ALK: variants seen among roughly 807,000 people sequenced by gnomAD.
ALK encodes the protein ALK receptor tyrosine kinase.
A neutral mutation model predicts 163.1 loss-of-function variants in ALK; 74 were observed. That is an observed-to-expected ratio of 0.45 (90% confidence interval 0.38 to 0.55). The LOEUF (loss-of-function observed/expected upper bound fraction) is 0.55, where lower values mean the gene tolerates loss of function less well. ALK is among the 20% of genes least tolerant of loss of function. The pLI is 0.00. For missense variants in ALK, 2,063 were observed against 2,105.3 expected (o/e 0.98, Z 0.39); for synonymous variants, 960 against 843.2 (o/e 1.14, Z -2.40).
chr2:29,867,716 C>G (rs1398829878), intron 1 of ALK, among the ~76,000 whole-genome samples: 2 of 152,202 alleles, frequency 1.3e-5, no homozygotes, highest in African/African-American at 4.8e-5. Flanking sequence ...AGCTTGAGCA[C>G]CCTTGTTCCA....
chr2:29,752,510 C>T (rs1196580345), intron 1 of ALK, among the ~76,000 whole-genome samples: 4 of 151,316 alleles, frequency 2.6e-5, no homozygotes, highest in Admixed American at 6.6e-5. Context: ...CCACCATGCC[C>T]GGCTAATTTT....
At chr2:29,381,411 G>C (rs1374621607) in intron 5 of ALK, among the ~76,000 whole-genome samples, 1 of 152,252 alleles carries the variant, frequency 6.6e-6, no homozygotes, top group Non-Finnish European at 1.5e-5. Context: ...ATACAGGCAT[G>C]GCCTCTGTCT....
At position 29,193,482 on chromosome 2, in the gene ALK, C is replaced by T. The variant is rs1459765837; in HGVS notation, c.4605G>A (p.Leu1535=). ...TAGGTGGGACAGTACAGCTTCCCTC[C>T]AGCCCCAGGTTACCCCTGTCGTGTG... ...KEPHDRGNLG[L]EGSCTVPPNV... The change falls in exon 29 of 29, where the codon CTG becomes CTA. Residue 1535 remains leucine (L), a synonymous_variant. Transcript: ENST00000389048. The T allele has an allele frequency of 2.5e-6, 4 of 1,614,084 alleles. No individual in the cohort carries two copies. The highest frequency in any genetic ancestry group is 1.3e-5 in the African/African-American group (1 of 74,922).
intron 3 of ALK, among the ~76,000 whole-genome samples, chr2:29,652,280 C>A (rs186154068): frequency 6.6e-6 from 1 of 152,044 alleles, no homozygotes; most frequent in Non-Finnish European, 1.5e-5. Flanking sequence ...GAACCCCTGG[C>A]TTAGGGTCTG....
At chr2:29,627,822 A>T (rs189027360) in intron 3 of ALK, among the ~76,000 whole-genome samples, 11 of 152,360 alleles carry the variant, frequency 7.2e-5, no homozygotes, top group African/African-American at 2.6e-4. Context: ...TTACCATTTA[A>T]GCAAGAAGAG....
At chr2:29,557,444 C>A (rs943484373) in intron 3 of ALK, among the ~76,000 whole-genome samples, 3 of 152,214 alleles carry the variant, frequency 2.0e-5, no homozygotes, top group African/African-American at 7.2e-5. Flanking sequence ...GCTCACTGAT[C>A]TCAGATCCTG....
chr2:29,646,159 C>A (rs972364479), intron 3 of ALK, among the ~76,000 whole-genome samples: 3 of 152,116 alleles, frequency 2.0e-5, no homozygotes, highest in Admixed American at 6.6e-5. Context: ...GTCACTGACA[C>A]AAACTTGATC....
intron 3 of ALK, among the ~76,000 whole-genome samples, chr2:29,590,797 C>A (rs996561383): frequency 1.2e-4 from 18 of 152,120 alleles, no homozygotes; most frequent in Admixed American, 1.0e-3. Context: ...GCAGGCCGGG[C>A]GCGGTGGCTC....
chr2:29,530,535 T>C (rs942268522), intron 4 of ALK, among the ~76,000 whole-genome samples: 1 of 152,146 alleles, frequency 6.6e-6, no homozygotes, highest in African/African-American at 2.4e-5. Flanking sequence ...CCAGTCCTGG[T>C]AGGGAAGGAA....
At chr2:29,226,509 G>A (rs1185640870) in intron 18 of ALK, among the ~76,000 whole-genome samples, 2 of 147,120 alleles carry the variant, frequency 1.4e-5, no homozygotes, top group Non-Finnish European at 3.0e-5. Context: ...AAAAGAGGAG[G>A]AGAATGGGAG....
chr2:29,724,606 G>C (rs1679516793), intron 1 of ALK, among the ~76,000 whole-genome samples: 4 of 152,206 alleles, frequency 2.6e-5, no homozygotes, highest in Admixed American at 2.6e-4. Flanking sequence ...TCAGAGAAAG[G>C]AGAGAGTTTG....
At chr2:29,848,535 G>C (rs1256603606) in intron 1 of ALK, among the ~76,000 whole-genome samples, 2 of 152,162 alleles carry the variant, frequency 1.3e-5, no homozygotes, top group African/African-American at 4.8e-5. Flanking sequence ...TTCGCATAGT[G>C]TTTTAATACC....
chr2:29,533,714 G>T (rs542948701), intron 3 of ALK, among the ~76,000 whole-genome samples: 2 of 152,172 alleles, frequency 1.3e-5, no homozygotes, highest in African/African-American at 4.8e-5. Flanking sequence ...TCCAAGCACT[G>T]GCTCTGCCCT....
intron 1 of ALK, among the ~76,000 whole-genome samples, chr2:29,919,557 T>C (rs1667929362): frequency 6.6e-6 from 1 of 152,182 alleles, no homozygotes. Context: ...CTATATTCCC[T>C]GAGAAGGTAC....
chr2:29,797,818 T>G (rs1664359854), intron 1 of ALK, among the ~76,000 whole-genome samples: 1 of 152,208 alleles, frequency 6.6e-6, no homozygotes, highest in Non-Finnish European at 1.5e-5. Flanking sequence ...TAGGATTTTT[T>G]TTTTTACTTT....
intron 15 of ALK, 131 bp downstream of exon 15, chr2:29,232,173 G>T: frequency 7.7e-7 from 1 of 1,300,718 alleles, no homozygotes. Flanking sequence ...CCTGGATATC[G>T]GTACCAATAT....
intron 5 of ALK, among the ~76,000 whole-genome samples, 170 bp from the exon 6 acceptor site, chr2:29,328,651 G>A (rs1274314580): frequency 6.6e-6 from 1 of 152,208 alleles, no homozygotes; most frequent in Non-Finnish European, 1.5e-5. Context: ...CCAACCCAGG[G>A]CCAACATCAG....
intron 4 of ALK, among the ~76,000 whole-genome samples, chr2:29,445,626 G>A (rs901807213): frequency 1.3e-4 from 20 of 152,098 alleles, no homozygotes; most frequent in African/African-American, 3.9e-4. Flanking sequence ...TTTGAGACCA[G>A]CCTGAACAAC....
chr2:29,674,462 T>C (rs1677810545), intron 3 of ALK, among the ~76,000 whole-genome samples: 1 of 149,648 alleles, frequency 6.7e-6, no homozygotes, highest in Admixed American at 6.6e-5. Flanking sequence ...GCTCTGTTTA[T>C]ATGCTGGATT....
Sources: gnomAD v4.1 joint callset for allele counts (sites outside exome capture counted in the v4.1 genomes callset) on GRCh38, gnomAD v4.1.1 for gene constraint, MANE v1.5 for transcripts, NCBI Gene and HGNC (gene_info 2026-07-23, HGNC 2026-07-21) for gene names.